The following SRP54 variants were observed in gnomAD, a reference collection of about 807,000 sequenced individuals.
SRP54 encodes the protein signal recognition particle subunit SRP54.
Under a neutral mutation model 64.8 loss-of-function variants are expected in SRP54, and 10 were observed. The observed-to-expected ratio is 0.15, with a 90% CI of 0.10 to 0.26. SRP54 has a LOEUF of 0.26. Among genes scored for constraint, SRP54 ranks in the 10% least tolerant of loss-of-function variants. The pLI is 1.00. For synonymous variants in SRP54, 193 were observed against 185.6 expected, an observed-to-expected ratio of 1.04 and a Z score of -0.32; for missense variants, 325 against 613.7, an observed-to-expected ratio of 0.53 and a Z score of 4.97.
intron 1 of SRP54, among the ~76,000 whole-genome samples, chr14:34,990,176 G>A (rs1018495596): frequency 2.0e-5 from 3 of 152,138 alleles, no homozygotes; most frequent in African/African-American, 7.2e-5. Flanking sequence ...CTCGAGCCAG[G>A]ATCAGTCCTT....
Position 35,029,298 on chromosome 14 carries a change from C to T in SRP54, c.*146C>T. The T allele has an allele frequency of 7.8e-6, 4 of 515,002 alleles. No individual in the cohort carries two copies. Among genetic ancestry groups the T allele is most frequent in the South Asian group, 3.1e-5 (1 of 32,386 alleles). 31.9% of individuals were successfully genotyped at this position (515,002 alleles called of 1,614,324 possible). A position where few individuals can be genotyped will look rare whatever the true frequency, so the allele number is the denominator to read the frequency against. ...CCTTTTCTTCTCGCCCGCTTTTCCC[C>T]TCCTTTTCTTTTTCCTTCCTTCTTT... On this transcript the variant is annotated 3_prime_UTR_variant, in exon 16 of 16. Transcript: ENST00000216774.
At chr14:35,016,840 C>CTTTTTTTTTTTTTTTTTTTTTTTT (rs145307640) in intron 11 of SRP54, among the ~76,000 whole-genome samples, 2 of 71,616 alleles carry the variant, frequency 2.8e-5, no homozygotes, top group Non-Finnish European at 6.0e-5. Flanking sequence ...CCTTTTTTTT[C>CTTTTTTTTTTTTTTTTTTTTTTTT]TTTTCTTTTT....
chr14:35,028,979 T>G, intron 15 of SRP54, 82 bp from the exon 16 acceptor site: 1 of 1,149,426 alleles, frequency 8.7e-7, no homozygotes, highest in Non-Finnish European at 1.3e-6. Context: ...TTAGAAGTAC[T>G]TATTAGGCAA....
At chr14:35,005,334 C>G (rs2138992020) in intron 4 of SRP54, among the ~76,000 whole-genome samples, 1 of 151,902 alleles carries the variant, frequency 6.6e-6, no homozygotes, top group Non-Finnish European at 1.5e-5. Flanking sequence ...AAGACCCTGT[C>G]TCAAAAAAAC....
chr14:35,014,002 T>C, intron 10 of SRP54, 100 bp downstream of exon 10: 1 of 821,078 alleles, frequency 1.2e-6, no homozygotes, highest in Non-Finnish European at 1.9e-6. Context: ...TTTAAGCACA[T>C]CATTTCTTTC....
intron 1 of SRP54, among the ~76,000 whole-genome samples, chr14:34,991,127 T>TTTTTTTTTGTTG (rs1555352960): frequency 8.1e-6 from 1 of 123,128 alleles, no homozygotes; most frequent in Non-Finnish European, 1.7e-5. Context: ...TTTTTTTTTT[T>TTTTTTTTTGTTG]TTGTTGTTGT....
chr14:35,026,417 A>G (rs1242256088), intron 14 of SRP54, among the ~76,000 whole-genome samples: 4 of 151,650 alleles, frequency 2.6e-5, no homozygotes, highest in Non-Finnish European at 5.9e-5. Context: ...TTTTTTTTGT[A>G]GAGACAGGGT....
intron 14 of SRP54, among the ~76,000 whole-genome samples, chr14:35,026,935 T>TC (rs1301805835): frequency 3.3e-5 from 5 of 151,702 alleles, no homozygotes; most frequent in African/African-American, 1.2e-4. Flanking sequence ...AGAGCTAGAC[T>TC]CCATCTCAAA....
At chr14:35,012,217 CAAA>C (rs60971433) in intron 8 of SRP54, among the ~76,000 whole-genome samples, 18 of 107,270 alleles carry the variant, frequency 1.7e-4, no homozygotes, top group Admixed American at 3.0e-4. Flanking sequence ...ACTCCATCTC[CAAA>C]AAAAAAAAAA....
chr14:35,007,300 T>G lies in SRP54; in HGVS notation c.273T>G (p.Val91=). 1.3e-6 allele frequency: 2 copies of G among 1,588,618 alleles called. No individual in the cohort carries two copies. The highest frequency in any genetic ancestry group is 1.1e-5 in the South Asian group (1 of 87,888). ...KELVKLVDPG[V]KAWTPTKGKQ... ...GTATTTAGCTTGTAGACCCTGGAGT[T>G]AAGGCATGGACACCCACTAAAGGAA... is the stretch of plus-strand genomic sequence containing the variant. The change falls in exon 5 of 16, where the codon GTT becomes GTG. Residue 91 remains valine (V), a synonymous_variant. Transcript: ENST00000216774.
At chr14:35,007,094 G>C (rs956707198) in intron 4 of SRP54, among the ~76,000 whole-genome samples, 189 bp from the exon 5 acceptor site, 9 of 152,132 alleles carry the variant, frequency 5.9e-5, no homozygotes, top group African/African-American at 2.2e-4. Context: ...TTGGGAGGCT[G>C]AAGTGGGAGC....
chr14:35,026,165 T>G, intron 14 of SRP54, among the ~76,000 whole-genome samples: 1 of 94,892 alleles, frequency 1.1e-5, no homozygotes, highest in Non-Finnish European at 2.3e-5. Flanking sequence ...TTTTATCTAT[T>G]CTGTTGTTGT....
At chr14:35,002,728 C>A (rs2044195090) in intron 4 of SRP54, among the ~76,000 whole-genome samples, 1 of 144,700 alleles carries the variant, frequency 6.9e-6, no homozygotes, top group South Asian at 2.2e-4. Context: ...AGTCACTGTG[C>A]CTGGCCTCCT....
At chr14:35,013,199 C>T (rs1485125986) in intron 8 of SRP54, 147 bp from the exon 9 acceptor site, 3 of 667,214 alleles carry the variant, frequency 4.5e-6, no homozygotes, top group Non-Finnish European at 5.0e-6. Flanking sequence ...AGGTGATCCA[C>T]CTGGCTCGGC....
intron 4 of SRP54, among the ~76,000 whole-genome samples, chr14:35,006,097 C>T (rs2044253247): frequency 6.6e-6 from 1 of 151,992 alleles, no homozygotes; most frequent in South Asian, 2.1e-4. Context: ...CCTCTGCCTC[C>T]CAAAGTGCTG....
intron 2 of SRP54, among the ~76,000 whole-genome samples, chr14:34,998,677 G>A (rs1439085165): frequency 6.6e-6 from 1 of 151,896 alleles, no homozygotes; most frequent in Non-Finnish European, 1.5e-5. Flanking sequence ...GCTGGGCGTG[G>A]TGGCAGGCGC....
chr14:35,012,719 C>G (rs1194091565), intron 8 of SRP54, among the ~76,000 whole-genome samples: 2 of 152,052 alleles, frequency 1.3e-5, no homozygotes, highest in Non-Finnish European at 2.9e-5. Context: ...GAAAATGCCT[C>G]CCATACTTCA....
chr14:35,007,636 AT>A (rs199980657), intron 5 of SRP54, among the ~76,000 whole-genome samples: 9,106 of 118,880 alleles, frequency 0.077, 611 homozygotes, highest in Non-Finnish European at 0.12. Flanking sequence ...AAATATATTT[AT>A]ATTATAATAA....
chr14:35,021,266 A>G (rs950985367), intron 13 of SRP54, among the ~76,000 whole-genome samples: 2 of 152,198 alleles, frequency 1.3e-5, no homozygotes, highest in Non-Finnish European at 2.9e-5. Flanking sequence ...GTTCTAAACC[A>G]TGTTAGAAGA....
Sources: gnomAD v4.1 joint callset for allele counts (sites outside exome capture counted in the v4.1 genomes callset) on GRCh38, gnomAD v4.1.1 for gene constraint, MANE v1.5 for transcripts, NCBI Gene and HGNC (gene_info 2026-07-23, HGNC 2026-07-21) for gene names.